Variants in CREB5 observed in about 807,000 individuals in gnomAD.
The protein encoded by CREB5 is cAMP responsive element binding protein 5.
CREB5 carries 19 observed loss-of-function variants against 57.1 expected under a neutral mutation model. The ratio of observed to expected loss-of-function variants is 0.33; its 90% CI spans 0.23 to 0.49. The LOEUF is 0.49. Among genes scored for constraint, CREB5 ranks in the 20% least tolerant of loss-of-function variants. The pLI is 0.99. For synonymous variants in CREB5, 238 were observed against 238.3 expected (o/e 1.00, Z 0.01); for missense variants, 579 against 671.6 (o/e 0.86, Z 1.52).
At chr7:28,805,465 G>A (rs554707577) in intron 8 of CREB5, among the ~76,000 whole-genome samples, 15 of 152,068 alleles carry the variant, frequency 9.9e-5, no homozygotes, top group Non-Finnish European at 1.5e-4. Flanking sequence ...GAAGGGTGTC[G>A]GAAGCATGGA....
At chr7:28,430,107 C>T (rs1370571328) in intron 1 of CREB5, among the ~76,000 whole-genome samples, 1 of 152,198 alleles carries the variant, frequency 6.6e-6, no homozygotes, top group Non-Finnish European at 1.5e-5. Flanking sequence ...TCAGAGGTGC[C>T]TGTGTTGTTT....
chr7:28,306,280 A>G (rs186127857), intron 1 of CREB5, among the ~76,000 whole-genome samples: 12 of 152,232 alleles, frequency 7.9e-5, no homozygotes, highest in African/African-American at 2.9e-4. Flanking sequence ...TCTTTTCTAC[A>G]CCTTCGTTTT....
chr7:28,690,854 T>C (rs940978552), intron 5 of CREB5, among the ~76,000 whole-genome samples: 3 of 152,212 alleles, frequency 2.0e-5, no homozygotes, highest in African/African-American at 7.2e-5. Context: ...GTTATGCCTT[T>C]TTTTTAAATT....
intron 4 of CREB5, among the ~76,000 whole-genome samples, chr7:28,532,133 C>A (rs895738401): frequency 6.6e-6 from 1 of 152,164 alleles, no homozygotes; most frequent in Non-Finnish European, 1.5e-5. Flanking sequence ...GTTGGGGAAG[C>A]CAGAGCCATG....
chr7:28,781,335 G>A (rs1386903580), intron 7 of CREB5, among the ~76,000 whole-genome samples: 1 of 152,218 alleles, frequency 6.6e-6, no homozygotes, highest in Non-Finnish European at 1.5e-5. Flanking sequence ...CTTGCACAGA[G>A]CTATTTGAAA....
intron 1 of CREB5, among the ~76,000 whole-genome samples, chr7:28,372,384 T>C (rs1224518541): frequency 6.6e-6 from 1 of 152,198 alleles, no homozygotes; most frequent in African/African-American, 2.4e-5. Flanking sequence ...AATTATTTAT[T>C]CCTCAAGGAG....
intron 3 of CREB5, among the ~76,000 whole-genome samples, chr7:28,497,136 T>A (rs1194589939): frequency 6.6e-6 from 1 of 152,184 alleles, no homozygotes; most frequent in East Asian, 1.9e-4. Flanking sequence ...TAGGGAATGA[T>A]GATTATGTAG....
At position 28,691,487 on chromosome 7, in the gene CREB5, G is replaced by T. The variant is rs998041410; in HGVS notation, c.465-27266G>T. 4.0e-5 allele frequency among the ~76,000 whole-genome samples: 6 copies of T among 151,498 alleles called. No homozygotes were observed. The South Asian group carries it at 1.0e-3, about 26-fold the overall frequency. ...ATGTGTGTTATTCTTATCTTTAGTT[G>T]GGTGAAGTTACCATTTAAACTTGCT... On this transcript the variant is annotated intron_variant, in intron 5 of 10. Transcript: ENST00000357727.
intron 1 of CREB5, among the ~76,000 whole-genome samples, chr7:28,340,042 C>T (rs1403186513): frequency 6.6e-6 from 1 of 152,172 alleles, no homozygotes; most frequent in African/African-American, 2.4e-5. Context: ...TAGTGGGTTC[C>T]ACTCTGGCCC....
intron 6 of CREB5, among the ~76,000 whole-genome samples, chr7:28,719,598 A>G (rs6977540): frequency 0.19 from 29,142 of 152,152 alleles, 3,510 homozygotes; most frequent in Middle Eastern, 0.35. Context: ...AACCTGTGAG[A>G]TAGACACTGT....
chr7:28,678,569 T>C (rs188672466), intron 5 of CREB5, among the ~76,000 whole-genome samples: 306 of 152,278 alleles, frequency 2.0e-3, no homozygotes, highest in Middle Eastern at 6.8e-3. Context: ...AACTGCACCT[T>C]TCTCTCCAGG....
intron 5 of CREB5, among the ~76,000 whole-genome samples, chr7:28,664,606 C>G (rs769218049): frequency 6.6e-6 from 1 of 152,080 alleles, no homozygotes; most frequent in Admixed American, 6.6e-5. Flanking sequence ...GACATGATAC[C>G]TGTGTACTTA....
At chr7:28,586,534 T>C (rs564775146) in intron 5 of CREB5, among the ~76,000 whole-genome samples, 1 of 152,314 alleles carries the variant, frequency 6.6e-6, no homozygotes, top group Non-Finnish European at 1.5e-5. Flanking sequence ...GCTTATTCTA[T>C]TCTTTTGGAG....
intron 4 of CREB5, among the ~76,000 whole-genome samples, chr7:28,568,364 G>T (rs1795562753): frequency 6.6e-6 from 1 of 152,186 alleles, no homozygotes; most frequent in Non-Finnish European, 1.5e-5. Flanking sequence ...TGAACAAGAT[G>T]AAAAATGTTA....
intron 4 of CREB5, among the ~76,000 whole-genome samples, chr7:28,569,269 A>T (rs749472206): frequency 6.6e-6 from 1 of 151,488 alleles, no homozygotes; most frequent in Non-Finnish European, 1.5e-5. Context: ...GGCTCAAGTG[A>T]TCCTCCTGCC....
intron 1 of CREB5, among the ~76,000 whole-genome samples, chr7:28,306,546 G>GTTTTTTGTTTTTTTTTTTTTTTTTTTTT (rs1785187073): frequency 1.1e-5 from 1 of 93,494 alleles, no homozygotes; most frequent in African/African-American, 5.0e-5. Flanking sequence ...ATACAGTTTT[G>GTTTTTTGTTTTTTTTTTTTTTTTTTTTT]TTTTTTTTGT....
At chr7:28,322,938 C>T (rs1785518339) in intron 1 of CREB5, among the ~76,000 whole-genome samples, 1 of 152,060 alleles carries the variant, frequency 6.6e-6, no homozygotes, top group African/African-American at 2.4e-5. Context: ...ATTATCCACT[C>T]CTAAGACCAT....
intron 5 of CREB5, among the ~76,000 whole-genome samples, chr7:28,683,605 C>G (rs975441895): frequency 6.6e-6 from 1 of 152,130 alleles, no homozygotes; most frequent in Non-Finnish European, 1.5e-5. Context: ...TGATCAGAGG[C>G]ACACTGGCCA....
At chr7:28,762,019 C>T (rs1805688895) in intron 7 of CREB5, among the ~76,000 whole-genome samples, 1 of 152,090 alleles carries the variant, frequency 6.6e-6, no homozygotes, top group South Asian at 2.1e-4. Context: ...CATTCTGAAA[C>T]TTCCAGCAGA....
Sources: allele counts gnomAD v4.1 joint callset (sites outside exome capture counted in the v4.1 genomes callset), GRCh38; gene constraint gnomAD v4.1.1; transcripts MANE v1.5; gene names NCBI Gene and HGNC (gene_info 2026-07-23, HGNC 2026-07-21).